Variants in PDZRN3 observed in about 807,000 individuals in gnomAD.
PDZRN3 encodes the protein PDZ domain containing ring finger 3.
In PDZRN3, 38 loss-of-function variants were observed where a neutral mutation model predicts 85.7. That is an observed-to-expected ratio of 0.44 (90% CI 0.34 to 0.58). The LOEUF (loss-of-function observed/expected upper bound fraction) is 0.58. Ranked by LOEUF, PDZRN3 falls within the 20% of genes least tolerant of loss-of-function variation. The pLI, the probability that PDZRN3 is intolerant of heterozygous loss-of-function variation, is 0.01. For synonymous variants in PDZRN3, 759 were observed against 638.0 expected (o/e 1.19, Z -2.86); for missense variants, 1,629 against 1,506.4 (o/e 1.08, Z -1.35).
chr3:73,492,488 C>T lies in PDZRN3; in HGVS notation c.919-88093G>A, dbSNP rs145528019. Among the ~76,000 whole-genome samples, 873 of 152,282 alleles carry T rather than the reference C, an allele frequency of 5.7e-3. 9 individuals are homozygous for T. Among genetic ancestry groups the T allele is most frequent in the African/African-American group, 0.019 (775 of 41,540 alleles). ...GGACTTAACAATTATCCAAAGCACA[C>T]GTGAAGGGTATTCATTGGATGTCTG... is the stretch of plus-strand genomic sequence containing the variant. On this transcript the variant is annotated intron_variant, in intron 3 of 9. Transcript: ENST00000263666.
At chr3:73,519,046 T>C (rs1389127761) in intron 3 of PDZRN3, among the ~76,000 whole-genome samples, 1 of 152,114 alleles carries the variant, frequency 6.6e-6, no homozygotes, top group Non-Finnish European at 1.5e-5. Flanking sequence ...TTCAGGAAAC[T>C]TCCCTCCACA....
At chr3:73,527,950 T>C (rs1269316009) in intron 3 of PDZRN3, among the ~76,000 whole-genome samples, 1 of 152,224 alleles carries the variant, frequency 6.6e-6, no homozygotes, top group Non-Finnish European at 1.5e-5. Context: ...CAGATGTTCA[T>C]TGGCTCAACT....
chr3:73,600,719 T>C (rs1235904161), intron 3 of PDZRN3, among the ~76,000 whole-genome samples: 2 of 152,180 alleles, frequency 1.3e-5, no homozygotes, highest in East Asian at 3.9e-4. Flanking sequence ...TGAAATTCCA[T>C]TACTTAGAGA....
chr3:73,463,795 T>A (rs1703154383), intron 3 of PDZRN3, among the ~76,000 whole-genome samples: 1 of 152,164 alleles, frequency 6.6e-6, no homozygotes, highest in African/African-American at 2.4e-5. Context: ...ATAGACTGGA[T>A]AAAGAAAATG....
intron 3 of PDZRN3, among the ~76,000 whole-genome samples, chr3:73,584,076 T>A (rs1702238856): frequency 9.1e-6 from 1 of 109,456 alleles, no homozygotes; most frequent in Admixed American, 8.1e-5. Context: ...GCAGTTCTCT[T>A]CTCTCTCTGA....
At chr3:73,526,125 T>C (rs544294112) in intron 3 of PDZRN3, among the ~76,000 whole-genome samples, 24 of 152,312 alleles carry the variant, frequency 1.6e-4, no homozygotes, top group Admixed American at 1.3e-3. Context: ...GTAGGGTTAA[T>C]ATTACCTACC....
chr3:73,525,303 G>GTA (rs1199105689), intron 3 of PDZRN3, among the ~76,000 whole-genome samples: 4 of 152,202 alleles, frequency 2.6e-5, no homozygotes, highest in African/African-American at 9.6e-5. Flanking sequence ...ATACGTGTGT[G>GTA]TATATATATG....
chr3:73,519,803 T>C (rs1399727934), intron 3 of PDZRN3, among the ~76,000 whole-genome samples: 1 of 152,202 alleles, frequency 6.6e-6, no homozygotes, highest in African/African-American at 2.4e-5. Context: ...CCAGAACTAC[T>C]GACTCAGAAA....
In PDZRN3 at chr3:73,389,951, A is replaced by G. The variant is rs1701485972; in HGVS notation, c.1354-73T>C. On this transcript the variant is annotated intron_variant, in intron 6 of 9. Transcript: ENST00000263666. ...AATAAGCAACAGCACTTTCAAAACC[A>G]TTTCTAAAACACAGTCATGCTCACC... The G allele has an allele frequency of 1.0e-5, 11 of 1,077,236 alleles. No homozygotes were observed. In the Admixed American group the frequency reaches 1.2e-4, roughly 12 times the overall value. The allele number at this position is 1,077,236 out of a possible 1,614,324, so 66.7% of individuals were successfully genotyped here. A position where few individuals can be genotyped will look rare whatever the true frequency, so the allele number is the denominator to read the frequency against.
intron 3 of PDZRN3, among the ~76,000 whole-genome samples, chr3:73,440,010 T>C (rs1226489900): frequency 6.6e-6 from 1 of 152,084 alleles, no homozygotes; most frequent in Non-Finnish European, 1.5e-5. Context: ...AGTGCTGACA[T>C]TACAGGCATG....
At chr3:73,512,387 T>C (rs1313662508) in intron 3 of PDZRN3, among the ~76,000 whole-genome samples, 1 of 152,240 alleles carries the variant, frequency 6.6e-6, no homozygotes, top group African/African-American at 2.4e-5. Flanking sequence ...TCATAAACCC[T>C]TGGTTCAGAA....
intron 3 of PDZRN3, among the ~76,000 whole-genome samples, chr3:73,585,950 C>T (rs1282833929): frequency 2.6e-5 from 4 of 152,090 alleles, no homozygotes; most frequent in African/African-American, 7.2e-5. Flanking sequence ...ACCAGTTAAC[C>T]AGAAATAACA....
In PDZRN3 at chr3:73,384,927, T is replaced by G. The variant is rs764689777; in HGVS notation, c.1639A>C (p.Lys547Gln). Reference protein sequence around the residue: ...QFTASVLQQKKHDEDGGTTDT... With the variant: ...QFTASVLQQKQHDEDGGTTDT... Reference sequence around the variant, plus strand: ...GTGGTCCCACCGTCTTCGTCGTGCTTCTTCTGCATAAACACAAGAACAAAG... The same window carrying G: ...GTGGTCCCACCGTCTTCGTCGTGCTGCTTCTGCATAAACACAAGAACAAAG... Residue 547 changes from lysine to glutamine, a missense_variant, in exon 10 of 10, where the codon AAG becomes CAG. Lys to Gln is a moderately conservative substitution (Grantham distance 53, BLOSUM62 1). Transcript: ENST00000263666. 1.6e-5 allele frequency: 25 copies of G among 1,594,906 alleles called. No homozygotes were observed. Among genetic ancestry groups the G allele is most frequent in the African/African-American group, 8.1e-5 (6 of 74,296 alleles).
intron 3 of PDZRN3, among the ~76,000 whole-genome samples, chr3:73,410,925 G>A (rs1559663792): frequency 6.6e-6 from 1 of 152,176 alleles, no homozygotes; most frequent in East Asian, 1.9e-4. Context: ...TCACCTTACA[G>A]GTGATAATTT....
At chr3:73,480,579 C>T (rs754707139) in intron 3 of PDZRN3, among the ~76,000 whole-genome samples, 3 of 152,188 alleles carry the variant, frequency 2.0e-5, no homozygotes, top group Non-Finnish European at 4.4e-5. Context: ...ATAGAAAGTT[C>T]TCCCCTGGCC....
chr3:73,463,973 CTTTT>C (rs150180266), intron 3 of PDZRN3, among the ~76,000 whole-genome samples: 3,086 of 152,068 alleles, frequency 0.02, 96 homozygotes, highest in African/African-American at 0.068. Flanking sequence ...GCTATGTATT[CTTTT>C]TTATTTTTTA....
intron 3 of PDZRN3, among the ~76,000 whole-genome samples, chr3:73,503,718 T>C (rs1036954430): frequency 1.3e-5 from 2 of 152,044 alleles, no homozygotes; most frequent in Admixed American, 6.6e-5. Flanking sequence ...CTCAACTCTC[T>C]CAGTGCAACC....
intron 5 of PDZRN3, among the ~76,000 whole-genome samples, 197 bp from the exon 6 acceptor site, chr3:73,391,313 T>C (rs1347399978): frequency 6.6e-5 from 10 of 152,208 alleles, no homozygotes; most frequent in Non-Finnish European, 1.3e-4. Flanking sequence ...GACCTTTCAC[T>C]CAATATAAAG....
At chr3:73,478,202 G>A (rs2106899890) in intron 3 of PDZRN3, among the ~76,000 whole-genome samples, 1 of 152,272 alleles carries the variant, frequency 6.6e-6, no homozygotes, top group South Asian at 2.1e-4. Context: ...ACCAGTCTGT[G>A]GCCTGTTAGT....
Sources: gnomAD v4.1 joint callset for allele counts (sites outside exome capture counted in the v4.1 genomes callset) on GRCh38, gnomAD v4.1.1 for gene constraint, MANE v1.5 for transcripts, NCBI Gene and HGNC (gene_info 2026-07-23, HGNC 2026-07-21) for gene names.